Variants in WDR7 observed in about 807,000 individuals in gnomAD.
The protein encoded by WDR7 is WD repeat domain 7, also known as WD repeat-containing protein 7.
WDR7 carries 46 observed loss-of-function variants against 169.4 expected under a neutral mutation model. The ratio of observed to expected loss-of-function variants is 0.27; its 90% CI spans 0.21 to 0.35. WDR7 has a LOEUF of 0.35. Among genes scored for constraint, WDR7 ranks in the 10% least tolerant of loss-of-function variants. WDR7 has a pLI of 1.00. For synonymous variants in WDR7, 612 were observed against 666.8 expected (o/e 0.92, Z 1.27); for missense variants, 1,534 against 1,859.3 (o/e 0.83, Z 3.22).
At chr18:57,034,656 C>T (rs1026504566), downstream of WDR7, 1 of 152,064 alleles carries the variant, frequency 6.6e-6, no homozygotes, top group Non-Finnish European at 1.5e-5. Flanking sequence ...GAGGGTACCA[C>T]GTGGCAGGAA....
At chr18:56,809,234 CT>C (rs1174969789) in intron 19 of WDR7, among the ~76,000 whole-genome samples, 1 of 152,044 alleles carries the variant, frequency 6.6e-6, no homozygotes, top group African/African-American at 2.4e-5. Context: ...AATTGTATTT[CT>C]TTTTTATTAT....
intron 16 of WDR7, among the ~76,000 whole-genome samples, chr18:56,774,545 CTTGA>C (rs762636532): frequency 2.6e-5 from 4 of 152,098 alleles, no homozygotes; most frequent in Admixed American, 6.6e-5. Flanking sequence ...AAATCAAATG[CTTGA>C]TTATGTTTTA....
At chr18:56,845,326 A>AT (rs2045552270) in intron 20 of WDR7, among the ~76,000 whole-genome samples, 1 of 152,036 alleles carries the variant, frequency 6.6e-6, no homozygotes, top group African/African-American at 2.4e-5. Flanking sequence ...TATTTTGAGT[A>AT]TTTTTTAATT....
chr18:56,916,653 T>G (rs1055022502), intron 21 of WDR7, among the ~76,000 whole-genome samples: 2 of 152,340 alleles, frequency 1.3e-5, no homozygotes, highest in Admixed American at 6.5e-5. Context: ...AAAAACTGCA[T>G]GATTAATATC....
chr18:56,900,082 G>GTATA (rs1191116351), intron 21 of WDR7, among the ~76,000 whole-genome samples: 3,110 of 31,914 alleles, frequency 0.097, 47 homozygotes, highest in Middle Eastern at 0.15. Flanking sequence ...GTGTGTGTGT[G>GTATA]TATATATATA....
chr18:56,661,561 A>G (rs2024904911), intron 1 of WDR7, among the ~76,000 whole-genome samples: 1 of 152,150 alleles, frequency 6.6e-6, no homozygotes, highest in Non-Finnish European at 1.5e-5. Context: ...CTCATTCCAC[A>G]TGTTCCTTTG....
chr18:56,901,218 A>C (rs577052294), intron 21 of WDR7, among the ~76,000 whole-genome samples: 1 of 152,312 alleles, frequency 6.6e-6, no homozygotes, highest in South Asian at 2.1e-4. Flanking sequence ...TGGGCATAGC[A>C]AGACCGTGTC....
intron 26 of WDR7, among the ~76,000 whole-genome samples, chr18:56,975,258 A>G (rs1420661816): frequency 6.6e-6 from 1 of 152,004 alleles, no homozygotes; most frequent in African/African-American, 2.4e-5. Flanking sequence ...GCAAAGGGAT[A>G]TTTGAGTTGA....
chr18:56,927,225 CT>C (rs1314882055), intron 22 of WDR7, among the ~76,000 whole-genome samples: 2 of 152,138 alleles, frequency 1.3e-5, no homozygotes, highest in African/African-American at 4.8e-5. Context: ...GCAGAGTTCC[CT>C]TTTGCCTCTC....
rs147891255 is a variant in WDR7 at position 56,695,811 on chromosome 18, C to T, written c.1358-431C>T. Among the ~76,000 whole-genome samples, 326 of 151,992 alleles carry T rather than the reference C, an allele frequency of 2.1e-3. 3 individuals carry two copies. The highest frequency in any genetic ancestry group is 7.6e-3 in the African/African-American group (316 of 41,468). Reference sequence around the variant, plus strand: ...CGGCCTCTCAACAGCCAGTGGAAATCGAATGTCAACCATATATATATAACC... The same window carrying T: ...CGGCCTCTCAACAGCCAGTGGAAATTGAATGTCAACCATATATATATAACC... On this transcript the variant is annotated intron_variant, in intron 11 of 27. Coordinates refer to ENST00000254442, the MANE Select transcript of WDR7 (RefSeq NM_015285.3).
intron 26 of WDR7, among the ~76,000 whole-genome samples, chr18:56,976,434 T>G (rs549709986): frequency 6.6e-6 from 1 of 152,272 alleles, no homozygotes; most frequent in South Asian, 2.1e-4. Context: ...GATTTAATAA[T>G]TAGGGCATTT....
intron 12 of WDR7, among the ~76,000 whole-genome samples, chr18:56,707,668 A>G (rs2025990500): frequency 6.6e-6 from 1 of 152,112 alleles, no homozygotes; most frequent in African/African-American, 2.4e-5. Flanking sequence ...GTTTGTCAAC[A>G]TGACCCCAGA....
At chr18:57,016,829 AT>A (rs976720117) in intron 26 of WDR7, among the ~76,000 whole-genome samples, 3 of 151,988 alleles carry the variant, frequency 2.0e-5, no homozygotes, top group African/African-American at 7.3e-5. Context: ...TAATTGCTTG[AT>A]TTTTTTTAAT....
chr18:56,676,307 G>GT (rs2025243047), intron 2 of WDR7, among the ~76,000 whole-genome samples: 1 of 152,098 alleles, frequency 6.6e-6, no homozygotes, highest in Admixed American at 6.5e-5. Flanking sequence ...ATTGGGTCTT[G>GT]TTTTTTCATC....
At chr18:56,945,434 G>T (rs2047090637) in intron 25 of WDR7, among the ~76,000 whole-genome samples, 1 of 152,148 alleles carries the variant, frequency 6.6e-6, no homozygotes, top group Non-Finnish European at 1.5e-5. Context: ...GAAATTGCAG[G>T]TTCTCATAGA....
chr18:56,667,695 C>T (rs986266542), intron 1 of WDR7, among the ~76,000 whole-genome samples: 49 of 152,078 alleles, frequency 3.2e-4, no homozygotes, highest in Non-Finnish European at 6.2e-4. Flanking sequence ...TTTCTTTTAT[C>T]CTCAAAGTAC....
chr18:56,994,016 C>T (rs12963033), intron 26 of WDR7, among the ~76,000 whole-genome samples: 30 of 129,178 alleles, frequency 2.3e-4, no homozygotes, highest in Admixed American at 7.3e-4. Flanking sequence ...CTTTTTTTTT[C>T]TTTTTTTTTT....
chr18:57,009,715 G>C, intron 26 of WDR7: 1 of 383,072 alleles, frequency 2.6e-6, no homozygotes. Context: ...ATGTTGTAAT[G>C]TAACACTTTC....
chr18:56,875,265 C>G (rs2046007440), intron 20 of WDR7, among the ~76,000 whole-genome samples: 1 of 152,140 alleles, frequency 6.6e-6, no homozygotes, highest in Non-Finnish European at 1.5e-5. Flanking sequence ...TCCATCTTCT[C>G]AGACCTCATC....
Sources: allele counts gnomAD v4.1 joint callset (sites outside exome capture counted in the v4.1 genomes callset), GRCh38; gene constraint gnomAD v4.1.1; transcripts MANE v1.5; gene names NCBI Gene and HGNC (gene_info 2026-07-23, HGNC 2026-07-21).